The following RBPJ variants were observed in gnomAD, a reference collection of about 807,000 sequenced individuals.
RBPJ encodes the protein recombination signal binding protein for immunoglobulin kappa J region.
A neutral mutation model predicts 67.8 loss-of-function variants in RBPJ; 9 were observed. The ratio of observed to expected loss-of-function variants is 0.13; its 90% confidence interval spans 0.08 to 0.23. The LOEUF is 0.23. Among genes scored for constraint, RBPJ ranks in the 10% least tolerant of loss-of-function variants. The pLI is 1.00. For synonymous variants in RBPJ, 198 were observed against 203.3 expected, an observed-to-expected ratio of 0.97 and a Z score of 0.22; for missense variants, 305 against 595.6, an observed-to-expected ratio of 0.51 and a Z score of 5.08.
At chr4:26,124,705 T>C in the RBPJ span, among the ~76,000 whole-genome samples, 2 of 152,036 alleles carry the variant, frequency 1.3e-5, no homozygotes, top group East Asian at 3.9e-4. Context: ...GTCCCACAAG[T>C]GGTGTAGAAG....
At chr4:26,286,592 T>C (rs1269981120) in intron 1 of RBPJ, among the ~76,000 whole-genome samples, 1 of 152,084 alleles carries the variant, frequency 6.6e-6, no homozygotes, top group East Asian at 1.9e-4. Context: ...TAATTCATTG[T>C]TCTGACTGCA....
At chr4:26,125,812 AAT>A in the RBPJ span, among the ~76,000 whole-genome samples, 2 of 151,862 alleles carry the variant, frequency 1.3e-5, no homozygotes, top group Non-Finnish European at 2.9e-5. Flanking sequence ...AAAAAAAAAA[AAT>A]CGTCCCTCTT....
intron 1 of RBPJ, among the ~76,000 whole-genome samples, chr4:26,343,896 G>A (rs935620733): frequency 2.0e-5 from 3 of 151,722 alleles, no homozygotes; most frequent in African/African-American, 4.8e-5. Context: ...GATTACAGGC[G>A]CCCGCCACCA....
At chr4:26,253,495 T>C (rs1720187755) in intron 1 of RBPJ, among the ~76,000 whole-genome samples, 1 of 150,754 alleles carries the variant, frequency 6.6e-6, no homozygotes, top group Non-Finnish European at 1.5e-5. Context: ...GTATTTTTAG[T>C]AGAGACGGGG....
At chr4:26,338,035 A>C (rs1017094798) in intron 1 of RBPJ, among the ~76,000 whole-genome samples, 1 of 145,112 alleles carries the variant, frequency 6.9e-6, no homozygotes, top group Non-Finnish European at 1.5e-5. Context: ...GTCATACAGG[A>C]GTTAAAATTT....
chr4:26,290,416 G>C (rs1160104854), intron 1 of RBPJ, among the ~76,000 whole-genome samples: 1 of 150,094 alleles, frequency 6.7e-6, no homozygotes, highest in African/African-American at 2.5e-5. Flanking sequence ...TTAAGGATGA[G>C]ATGCCAATAT....
intron 1 of RBPJ, among the ~76,000 whole-genome samples, chr4:26,312,123 T>C (rs1274998130): frequency 6.6e-6 from 1 of 151,788 alleles, no homozygotes; most frequent in Non-Finnish European, 1.5e-5. Context: ...CAGGGCCTTC[T>C]TATTTTATTT....
At chr4:26,160,070 C>CAA (rs1387314419), upstream of RBPJ, among the ~76,000 whole-genome samples, 1 of 152,190 alleles carries the variant, frequency 6.6e-6, no homozygotes, top group African/African-American at 2.4e-5. Context: ...AGGCGCCCGC[C>CAA]ACCGTGCCCG....
At chr4:26,199,246 C>A (rs1326146389) in intron 1 of RBPJ, among the ~76,000 whole-genome samples, 1 of 152,148 alleles carries the variant, frequency 6.6e-6, no homozygotes, top group Non-Finnish European at 1.5e-5. Flanking sequence ...GAGATCGAGA[C>A]CATCCTGGCC....
In RBPJ at chr4:26,292,353, A is replaced by G. The variant is rs186840963; in HGVS notation, c.-166-70093A>G. Reference sequence around the variant, plus strand: ...CTGTGTGACTTATTTCATTTAGCATAATGGCCTCAAGTTGCATCCATGTTG... The same window carrying G: ...CTGTGTGACTTATTTCATTTAGCATGATGGCCTCAAGTTGCATCCATGTTG... On this transcript the variant is annotated intron_variant, in intron 1 of 4. Coordinates refer to the RBPJ transcript ENST00000512351. Among the ~76,000 whole-genome samples, 46 of 150,788 alleles carry G rather than the reference A, an allele frequency of 3.1e-4. 2 individuals are homozygous for G. The highest frequency in any genetic ancestry group is 1.1e-3 in the African/African-American group (44 of 41,068).
chr4:26,344,927 A>T (rs1015718977), intron 1 of RBPJ, among the ~76,000 whole-genome samples: 3 of 152,202 alleles, frequency 2.0e-5, no homozygotes, highest in Admixed American at 6.5e-5. Flanking sequence ...TGAAGATTTT[A>T]AAAAAATACA....
intron 1 of RBPJ, among the ~76,000 whole-genome samples, chr4:26,193,493 T>C (rs2109144177): frequency 6.6e-6 from 1 of 152,364 alleles, no homozygotes; most frequent in Non-Finnish European, 1.5e-5. Context: ...TGTCAATTTT[T>C]TTTTTAGTTG....
chr4:26,117,459 G>A, the RBPJ span, among the ~76,000 whole-genome samples: 3 of 152,004 alleles, frequency 2.0e-5, no homozygotes, highest in Admixed American at 1.3e-4. Context: ...GTAATATGAC[G>A]TATTACATGT....
intron 1 of RBPJ, among the ~76,000 whole-genome samples, chr4:26,362,052 C>G (rs777761747): frequency 2.0e-5 from 3 of 152,182 alleles, no homozygotes; most frequent in Non-Finnish European, 4.4e-5. Context: ...TTTGAAGGAT[C>G]CTCTGCCTAG....
the RBPJ span, among the ~76,000 whole-genome samples, chr4:26,145,000 G>C: frequency 6.6e-6 from 1 of 150,922 alleles, no homozygotes; most frequent in South Asian, 2.1e-4. Context: ...TTTTTAGTAA[G>C]TCTCCCTCAA....
intron 1 of RBPJ, among the ~76,000 whole-genome samples, chr4:26,381,218 T>C (rs901658214): frequency 6.6e-6 from 1 of 152,060 alleles, no homozygotes; most frequent in Non-Finnish European, 1.5e-5. Context: ...ACATTTATGG[T>C]CATATTCACC....
At chr4:26,250,159 C>G (rs1385365134) in intron 1 of RBPJ, among the ~76,000 whole-genome samples, 1 of 151,932 alleles carries the variant, frequency 6.6e-6, no homozygotes, top group Non-Finnish European at 1.5e-5. Context: ...TCCCCATCCC[C>G]GAACTTCTAG....
chr4:26,140,048 C>T, the RBPJ span, among the ~76,000 whole-genome samples: 10 of 152,152 alleles, frequency 6.6e-5, no homozygotes, highest in African/African-American at 1.2e-4. Flanking sequence ...ATCTTGCATA[C>T]GTTCTCCAAC....
the RBPJ span, among the ~76,000 whole-genome samples, chr4:26,125,251 T>A: frequency 1.3e-5 from 2 of 152,220 alleles, no homozygotes; most frequent in African/African-American, 4.8e-5. Flanking sequence ...TGCTGAAGGC[T>A]ATGGAGCCCC....
Sources: allele counts gnomAD v4.1 joint callset (sites outside exome capture counted in the v4.1 genomes callset), GRCh38; gene constraint gnomAD v4.1.1; transcripts MANE v1.5; gene names NCBI Gene and HGNC (gene_info 2026-07-23, HGNC 2026-07-21).